The following ENOX1 variants were observed in gnomAD, a reference collection of about 807,000 sequenced individuals.
The protein encoded by ENOX1 is candidate growth-related and time keeping constitutive hydroquinone (NADH) oxidase.
ENOX1 carries 42 observed loss-of-function variants against 82.5 expected under a neutral mutation model. The observed-to-expected ratio is 0.51, with a 90% CI of 0.40 to 0.66. The LOEUF (loss-of-function observed/expected upper bound fraction) is 0.66, where lower values mean the gene tolerates loss of function less well. Ranked by LOEUF, ENOX1 falls within the 30% of genes least tolerant of loss-of-function variation. The pLI, the probability that ENOX1 is intolerant of heterozygous loss-of-function variation, is 0.00. For missense variants in ENOX1, 608 were observed against 811.6 expected, an observed-to-expected ratio of 0.75 and a Z score of 3.05; for synonymous variants, 271 against 282.2, an observed-to-expected ratio of 0.96 and a Z score of 0.40.
intron 15 of ENOX1, among the ~76,000 whole-genome samples, chr13:43,227,011 C>T (rs961556616): frequency 6.6e-6 from 1 of 150,648 alleles, no homozygotes; most frequent in African/African-American, 2.5e-5. Flanking sequence ...TTCCCCCTGG[C>T]CAGAGAGCCT....
intron 2 of ENOX1, among the ~76,000 whole-genome samples, chr13:43,618,914 C>T (rs1352682483): frequency 6.6e-6 from 1 of 151,392 alleles, no homozygotes; most frequent in Non-Finnish European, 1.5e-5. Flanking sequence ...TTATTTCTTT[C>T]AGCCATGTTT....
At position 43,693,984 on chromosome 13, in the gene ENOX1, G is replaced by T. The variant is rs58332651; in HGVS notation, c.-284-26440C>A. ...CTAGGACTTGGTGACTGGTCTTCCT[G>T]AGAACAAAAGAAGTAAAAGTTATTT... On this transcript the variant is annotated intron_variant, in intron 1 of 16. Coordinates refer to ENST00000690772, the MANE Select transcript of ENOX1 (RefSeq NM_001347969.2). 2.8e-3 allele frequency among the ~76,000 whole-genome samples: 432 copies of T among 152,218 alleles called. 1 individual carries two copies. Among genetic ancestry groups the T allele is most frequent in the African/African-American group, 9.9e-3 (412 of 41,544 alleles).
intron 12 of ENOX1, among the ~76,000 whole-genome samples, chr13:43,283,729 G>A (rs2045535656): frequency 6.6e-6 from 1 of 151,298 alleles, no homozygotes; most frequent in Non-Finnish European, 1.5e-5. Context: ...AAAATTACAA[G>A]TGTTAGCAAC....
At chr13:43,494,791 T>G (rs1041964378) in intron 2 of ENOX1, among the ~76,000 whole-genome samples, 1 of 151,920 alleles carries the variant, frequency 6.6e-6, no homozygotes, top group Non-Finnish European at 1.5e-5. Context: ...AAGTTTAGAA[T>G]AGGAAAAAAG....
intron 3 of ENOX1, among the ~76,000 whole-genome samples, chr13:43,427,501 CAA>C (rs1005891255): frequency 6.6e-6 from 1 of 152,188 alleles, no homozygotes; most frequent in Non-Finnish European, 1.5e-5. Context: ...CTTTCTCCCA[CAA>C]AGAGTCAGAC....
intron 3 of ENOX1, among the ~76,000 whole-genome samples, chr13:43,420,016 T>A (rs1340442555): frequency 6.6e-6 from 1 of 152,178 alleles, no homozygotes; most frequent in African/African-American, 2.4e-5. Flanking sequence ...TCATATGGTA[T>A]CAGCAAATTT....
chr13:43,277,404 T>C (rs1216269160), intron 12 of ENOX1, among the ~76,000 whole-genome samples: 1 of 152,100 alleles, frequency 6.6e-6, no homozygotes, highest in African/African-American at 2.4e-5. Flanking sequence ...CCTGCCTGGG[T>C]TGATCTCTGA....
intron 10 of ENOX1, among the ~76,000 whole-genome samples, chr13:43,324,176 A>AT (rs1247924112): frequency 6.6e-6 from 1 of 152,204 alleles, no homozygotes; most frequent in Non-Finnish European, 1.5e-5. Context: ...TGGACAGCTA[A>AT]TTTTTCTACT....
intron 1 of ENOX1, among the ~76,000 whole-genome samples, chr13:43,716,405 T>A (rs775475944): frequency 1.3e-5 from 2 of 152,118 alleles, no homozygotes; most frequent in African/African-American, 2.4e-5. Context: ...AAATCGCCCA[T>A]CTTCTGCGTC....
At chr13:43,470,355 T>TATATATATAC (rs2057987613) in intron 3 of ENOX1, among the ~76,000 whole-genome samples, 2 of 56,522 alleles carry the variant, frequency 3.5e-5, no homozygotes, top group East Asian at 1.1e-3. Flanking sequence ...TATATATATG[T>TATATATATAC]ATATATATAC....
chr13:43,383,186 C>T (rs941451800), intron 5 of ENOX1, among the ~76,000 whole-genome samples: 1 of 152,168 alleles, frequency 6.6e-6, no homozygotes, highest in African/African-American at 2.4e-5. Context: ...TCACTCTCAA[C>T]ACAATCCAAG....
At chr13:43,620,204 T>C (rs2082662646) in intron 2 of ENOX1, among the ~76,000 whole-genome samples, 1 of 152,074 alleles carries the variant, frequency 6.6e-6, no homozygotes, top group South Asian at 2.1e-4. Context: ...GAACCGGCTT[T>C]TTTTTCCTTT....
chr13:43,499,909 T>C (rs1782867535), intron 2 of ENOX1, among the ~76,000 whole-genome samples: 1 of 151,842 alleles, frequency 6.6e-6, no homozygotes, highest in African/African-American at 2.4e-5. Context: ...AAGAACCAAA[T>C]AGAAATTCTG....
At chr13:43,599,093 T>C (rs2081592425) in intron 2 of ENOX1, among the ~76,000 whole-genome samples, 1 of 151,994 alleles carries the variant, frequency 6.6e-6, no homozygotes, top group Admixed American at 6.6e-5. Context: ...ACAATCAAAG[T>C]ATTGAACTAG....
chr13:43,248,085 C>T (rs1265894396), intron 14 of ENOX1, among the ~76,000 whole-genome samples: 8 of 150,058 alleles, frequency 5.3e-5, no homozygotes, highest in African/African-American at 1.5e-4. Context: ...CGGGGTTTCA[C>T]CGTGTTAGCC....
chr13:43,786,657 G>A lies in ENOX1; in HGVS notation c.-290C>T, dbSNP rs1369277061. ...CGGGCCCCGGAGCTGCTTACCTGGG[G>A]CCGCCGTATGGGGAGCGGAGGCAAC... On this transcript the variant is annotated 5_prime_UTR_variant, in exon 1 of 17. Transcript: ENST00000690772. The surrounding 1 kb of genome is among the most constrained non-coding windows in gnomAD (Gnocchi z 6.0). 6.6e-6 allele frequency: 1 copy of A among 152,120 alleles called. No individual in the cohort carries two copies. Among genetic ancestry groups the A allele is most frequent in the Non-Finnish European group, 1.5e-5 (1 of 68,050 alleles). The allele number at this position is 152,120 out of a possible 1,614,324, so 9.4% of individuals were successfully genotyped here.
At chr13:43,462,027 T>C (rs2057509477) in intron 3 of ENOX1, among the ~76,000 whole-genome samples, 2 of 152,152 alleles carry the variant, frequency 1.3e-5, no homozygotes, top group South Asian at 4.1e-4. Context: ...CCCTTCCCTC[T>C]GGTGCTGGGC....
intron 12 of ENOX1, among the ~76,000 whole-genome samples, chr13:43,274,460 T>C (rs1372975653): frequency 6.6e-6 from 1 of 152,226 alleles, no homozygotes; most frequent in Admixed American, 6.5e-5. Context: ...AAAACGGAGG[T>C]AGTTCACAAC....
intron 2 of ENOX1, among the ~76,000 whole-genome samples, chr13:43,645,055 T>C (rs1257363293): frequency 6.6e-6 from 1 of 152,200 alleles, no homozygotes; most frequent in African/African-American, 2.4e-5. Context: ...AAATCAAATA[T>C]AAAGAAACAT....
Sources: allele counts gnomAD v4.1 joint callset (sites outside exome capture counted in the v4.1 genomes callset), GRCh38; gene constraint gnomAD v4.1.1; non-coding constraint Gnocchi (gnomAD v3.1); transcripts MANE v1.5; gene names NCBI Gene and HGNC (gene_info 2026-07-23, HGNC 2026-07-21).